ARHGAP44: variants seen among roughly 807,000 people sequenced by gnomAD.
ARHGAP44 encodes the protein rho GTPase-activating protein 44.
A neutral mutation model predicts 106.8 loss-of-function variants in ARHGAP44; 43 were observed. That is an observed-to-expected ratio of 0.40 (90% CI 0.32 to 0.52). The LOEUF (loss-of-function observed/expected upper bound fraction) is 0.52, where lower values mean the gene tolerates loss of function less well. Ranked by LOEUF, ARHGAP44 falls within the 20% of genes least tolerant of loss-of-function variation. ARHGAP44 has a pLI of 0.48. For missense variants in ARHGAP44, 866 were observed against 1,050.5 expected, an observed-to-expected ratio of 0.82 and a Z score of 2.43; for synonymous variants, 439 against 410.3, an observed-to-expected ratio of 1.07 and a Z score of -0.85.
At chr17:12,800,394 C>G (rs543633311) in intron 1 of ARHGAP44, among the ~76,000 whole-genome samples, 9 of 152,286 alleles carry the variant, frequency 5.9e-5, no homozygotes, top group Admixed American at 2.6e-4. Flanking sequence ...GCAGCTGTAA[C>G]AAAAGCCCCC....
intron 20 of ARHGAP44, 138 bp from the exon 21 acceptor site, chr17:12,989,894 C>T: frequency 1.5e-6 from 2 of 1,315,518 alleles, no homozygotes; most frequent in South Asian, 2.7e-5. Flanking sequence ...CAACACAATG[C>T]TTAAACCAAC....
intron 3 of ARHGAP44, among the ~76,000 whole-genome samples, chr17:12,906,777 A>T (rs1272269306): frequency 6.6e-6 from 1 of 151,998 alleles, no homozygotes; most frequent in Non-Finnish European, 1.5e-5. Context: ...TCTACAAAAA[A>T]TTTAGAAATA....
At chr17:12,884,632 A>T (rs1452708279) in intron 1 of ARHGAP44, among the ~76,000 whole-genome samples, 1 of 152,178 alleles carries the variant, frequency 6.6e-6, no homozygotes, top group African/African-American at 2.4e-5. Flanking sequence ...ACCACAAACG[A>T]ATTACAGAAC....
chr17:12,888,813 C>T (rs951828928), intron 1 of ARHGAP44, among the ~76,000 whole-genome samples: 4 of 152,216 alleles, frequency 2.6e-5, no homozygotes, highest in Middle Eastern at 6.8e-3. Context: ...GTCTTAGTGG[C>T]TTGACCCTTT....
chr17:12,825,295 C>A lies in ARHGAP44; in HGVS notation c.53+35404C>A, dbSNP rs148365257. ...TCAAGCCATCTTCCCACCTTGGCCT[C>A]CCAAAGTGCTGGGATTACAGCATGA... On this transcript the variant is annotated intron_variant, in intron 1 of 20. Transcript: ENST00000379672. Among the ~76,000 whole-genome samples, 581 of 152,042 alleles carry A rather than the reference C, an allele frequency of 3.8e-3. 2 individuals carry two copies. Among genetic ancestry groups the A allele is most frequent in the African/African-American group, 0.013 (553 of 41,422 alleles).
At chr17:12,982,320 ATTTT>A (rs11317054) in intron 19 of ARHGAP44, among the ~76,000 whole-genome samples, 2 of 146,184 alleles carry the variant, frequency 1.4e-5, no homozygotes, top group Admixed American at 1.4e-4. Context: ...TTTTTTTTTA[ATTTT>A]TTTTTTTTTG....
intron 1 of ARHGAP44, among the ~76,000 whole-genome samples, chr17:12,802,624 C>G (rs946265709): frequency 6.6e-6 from 1 of 151,996 alleles, no homozygotes; most frequent in African/African-American, 2.4e-5. Context: ...TGCTGTTTAA[C>G]ATACCCAGTT....
At chr17:12,929,311 G>C (rs1346660138) in intron 7 of ARHGAP44, 1 of 287,656 alleles carries the variant, frequency 3.5e-6, no homozygotes, top group Non-Finnish European at 6.8e-6. Flanking sequence ...CTTTATTTCT[G>C]TGTGAAGCTT....
At chr17:12,848,140 A>T (rs563397820) in intron 1 of ARHGAP44, among the ~76,000 whole-genome samples, 2 of 152,234 alleles carry the variant, frequency 1.3e-5, no homozygotes, top group African/African-American at 4.8e-5. Flanking sequence ...ATAGAGACAG[A>T]TATCAGACTG....
At chr17:12,916,068 C>T (rs2037902920) in intron 5 of ARHGAP44, 57 bp downstream of exon 5, 1 of 1,360,676 alleles carries the variant, frequency 7.3e-7, no homozygotes. Flanking sequence ...GAACAGGAGC[C>T]CCTCAATCAT....
chr17:12,986,281 C>T (rs1438808439), intron 20 of ARHGAP44: 6 of 152,156 alleles, frequency 3.9e-5, no homozygotes, highest in African/African-American at 1.4e-4. Flanking sequence ...GCTGAGGTGT[C>T]TCCTGAAGGA....
intron 16 of ARHGAP44, among the ~76,000 whole-genome samples, chr17:12,963,804 A>G (rs2039326140): frequency 6.6e-6 from 1 of 152,134 alleles, no homozygotes; most frequent in Admixed American, 6.5e-5. Context: ...GTTACATAAC[A>G]AAGAGCCAGA....
intron 1 of ARHGAP44, among the ~76,000 whole-genome samples, chr17:12,857,621 T>C (rs745411846): frequency 1.3e-5 from 2 of 152,136 alleles, no homozygotes; most frequent in Non-Finnish European, 2.9e-5. Flanking sequence ...AAGATGGCCT[T>C]CCCATGCAGT....
At chr17:12,910,182 T>C (rs2150941533) in intron 4 of ARHGAP44, among the ~76,000 whole-genome samples, 1 of 151,622 alleles carries the variant, frequency 6.6e-6, no homozygotes, top group African/African-American at 2.4e-5. Flanking sequence ...ATAGATTACA[T>C]CTCTTTCACA....
intron 8 of ARHGAP44, 106 bp downstream of exon 8, chr17:12,941,230 G>T: frequency 9.4e-7 from 1 of 1,063,398 alleles, no homozygotes; most frequent in Non-Finnish European, 1.4e-6. Context: ...GAAAAAGGTG[G>T]GAGCTTTGAC....
chr17:12,987,974 G>A (rs544399678), intron 20 of ARHGAP44: 1 of 152,324 alleles, frequency 6.6e-6, no homozygotes, highest in East Asian at 1.9e-4. Context: ...AAGCAAACCA[G>A]GTCTTCTCCC....
At chr17:12,827,911 C>T (rs112821248) in intron 1 of ARHGAP44, among the ~76,000 whole-genome samples, 1,877 of 151,482 alleles carry the variant, frequency 0.012, 35 homozygotes, top group African/African-American at 0.043. Context: ...TGGTGGTGCA[C>T]GCCTGTAGTC....
intron 1 of ARHGAP44, among the ~76,000 whole-genome samples, chr17:12,879,435 G>T (rs1197551860): frequency 6.6e-6 from 1 of 152,068 alleles, no homozygotes; most frequent in African/African-American, 2.4e-5. Flanking sequence ...ACATGCATGT[G>T]TAAGTATCTT....
intron 1 of ARHGAP44, among the ~76,000 whole-genome samples, chr17:12,879,366 T>C (rs1275722721): frequency 6.6e-6 from 1 of 152,192 alleles, no homozygotes; most frequent in Non-Finnish European, 1.5e-5. Context: ...ATCCACTCAT[T>C]GATCAGTGGG....
Sources: allele counts gnomAD v4.1 joint callset (sites outside exome capture counted in the v4.1 genomes callset), GRCh38; gene constraint gnomAD v4.1.1; transcripts MANE v1.5; gene names NCBI Gene and HGNC (gene_info 2026-07-23, HGNC 2026-07-21).